The following NCSTN variants were observed in gnomAD, a reference collection of about 807,000 sequenced individuals.
NCSTN encodes nicastrin.
NCSTN carries 22 observed loss-of-function variants against 87.0 expected under a neutral mutation model. The observed-to-expected ratio is 0.25, with a 90% CI of 0.18 to 0.36. The LOEUF (loss-of-function observed/expected upper bound fraction) is 0.36. Ranked by LOEUF, NCSTN falls within the 10% of genes least tolerant of loss-of-function variation. NCSTN has a pLI of 1.00. For synonymous variants in NCSTN, 306 were observed against 327.1 expected (o/e 0.94, Z 0.69); for missense variants, 693 against 883.3 (o/e 0.78, Z 2.73).
In NCSTN at chr1:160,343,487, G is replaced by A. The variant is rs1648228099; in HGVS notation, c.85+6G>A. 2.5e-6 allele frequency: 4 copies of A among 1,602,994 alleles called. No homozygotes were observed. Among genetic ancestry groups the A allele is most frequent in the African/African-American group, 1.3e-5 (1 of 74,982 alleles). The stretch of plus-strand genomic sequence containing the variant: ...TTTCTGCGTCCTACTAGCAGGTGAG[G>A]CCTCCCCGCCCGTGAGCTCCGTTCT... On this transcript the variant is annotated splice_donor_region_variant and intron_variant, in intron 1 of 16. Transcript: ENST00000294785.
chr1:160,351,257 A>G lies in NCSTN; in HGVS notation c.618A>G (p.Ser206=), dbSNP rs759827849. ...YQDHNLSQNG[S]APTFPLCAMQ... ...ATCACAACCTGAGTCAGAATGGCTC[A>G]GCACCAACCTTCCCACTATGTGCCA... Residue 206 remains serine (S), a synonymous_variant, in exon 6 of 17, where the codon TCA becomes TCG. Coordinates refer to ENST00000294785, the MANE Select transcript of NCSTN (RefSeq NM_015331.3). 1 of 1,614,214 alleles carries G rather than the reference A, an allele frequency of 6.2e-7. No homozygotes were observed. Among genetic ancestry groups the G allele is most frequent in the Non-Finnish European group, 8.5e-7 (1 of 1,180,022 alleles).
At chr1:160,351,998 G>C (rs1223560259) in intron 7 of NCSTN, 56 bp from the exon 8 acceptor site, 85 of 1,597,150 alleles carry the variant, frequency 5.3e-5, no homozygotes. Flanking sequence ...CAAGAAAGGA[G>C]GTTTGGGGCC....
rs769128229 is a variant in NCSTN at position 160,354,169 on chromosome 1, G to A, written c.1231G>A (p.Val411Ile). The change falls in exon 11 of 17, where the codon GTC (valine) becomes ATC (isoleucine). Residue 411 changes from valine to isoleucine, a missense_variant. Val to Ile is a conservative substitution (Grantham distance 29). Coordinates refer to ENST00000294785, the MANE Select transcript of NCSTN (RefSeq NM_015331.3). ...GAAGAGTGGTGCTGGTGTCCCTGCT[G>A]TCATCCTCAGGAGGCCAAATCAGTC... Reference protein sequence around the residue: ...LEKSGAGVPAVILRRPNQSQP... With the variant: ...LEKSGAGVPAIILRRPNQSQP... 3.1e-6 allele frequency: 5 copies of A among 1,614,150 alleles called. No individual in the cohort carries two copies. In the South Asian group the frequency reaches 5.5e-5, roughly 18 times the overall value.
At chr1:160,343,786 A>G (rs1396050590) in intron 1 of NCSTN, 1 of 631,326 alleles carries the variant, frequency 1.6e-6, no homozygotes, top group Admixed American at 2.1e-5. Context: ...CACCCACCCC[A>G]CAGTCGAAAG....
At chr1:160,352,827 C>G (rs932623127) in intron 8 of NCSTN, 60 bp from the exon 9 acceptor site, 1 of 1,367,566 alleles carries the variant, frequency 7.3e-7, no homozygotes, top group East Asian at 2.3e-5. Context: ...TGGCCGCCTT[C>G]GAGGCTCTCC....
intron 11 of NCSTN, 107 bp downstream of exon 11, chr1:160,354,397 A>C: frequency 8.3e-7 from 1 of 1,206,796 alleles, no homozygotes; most frequent in Middle Eastern, 1.9e-4. Flanking sequence ...CCCCTCCAGA[A>C]CTTCAGGTCC....
At chr1:160,350,453 CAAAAA>C (rs5778159) in intron 5 of NCSTN, among the ~76,000 whole-genome samples, 5 of 98,202 alleles carry the variant, frequency 5.1e-5, no homozygotes, top group African/African-American at 7.4e-5. Flanking sequence ...CCCTGTGTCA[CAAAAA>C]AAAAAAAAAA....
At chr1:160,349,261 A>C (rs1648698693) in intron 3 of NCSTN, 139 bp downstream of exon 3, 1 of 1,239,916 alleles carries the variant, frequency 8.1e-7, no homozygotes, top group Non-Finnish European at 1.2e-6. Flanking sequence ...CTCAGAAGGA[A>C]AGGTGTACCA....
chr1:160,351,476 C>A, intron 6 of NCSTN, 104 bp downstream of exon 6: 2 of 1,419,382 alleles, frequency 1.4e-6, no homozygotes, highest in Non-Finnish European at 2.0e-6. Context: ...GGAGTAGACA[C>A]CATGAAGGAG....
At position 160,345,116 on chromosome 1, in the gene NCSTN, G is replaced by T. The variant is rs573347908; in HGVS notation, c.190+290G>T. The stretch of plus-strand genomic sequence containing the variant: ...ATAAATGATGAAACTAAAACTTAAA[G>T]AAGTTGAGTAACTTTCCCAAGATCA... On this transcript the variant is annotated intron_variant, in intron 2 of 16. Coordinates refer to ENST00000294785, the MANE Select transcript of NCSTN (RefSeq NM_015331.3). The T allele has an allele frequency of 5.0e-5, 24 of 483,080 alleles. No homozygotes were observed. In the South Asian group the frequency reaches 5.1e-4, roughly 10 times the overall value. 29.9% of individuals were successfully genotyped at this position (483,080 alleles called of 1,614,324 possible).
chr1:160,350,152 A>G lies in NCSTN; in HGVS notation c.484A>G (p.Ile162Val), dbSNP rs751730478. The G allele has an allele frequency of 1.2e-6, 2 of 1,614,064 alleles. No homozygotes were observed. Among genetic ancestry groups the G allele is most frequent in the Admixed American group, 1.7e-5 (1 of 60,032 alleles). Residue 162 changes from isoleucine (I) to valine (V), a missense_variant, in exon 5 of 17, where the codon ATA becomes GTA. By Grantham distance (29) the Ile-to-Val change is conservative (BLOSUM62 3). Around this residue, in one of 4 missense-constraint regions of NCSTN, gnomAD observed 235 missense variants for 233.9 expected, o/e 1.00. Transcript: ENST00000294785. ...GCCAGAGTTTGCTCACTGCAGAGAA[A>G]TACAGTGGAATTCGCTGGGCAATGG... ...YGPEFAHCRE[I>V]QWNSLGNGLA...
intron 8 of NCSTN, 120 bp from the exon 9 acceptor site, chr1:160,352,767 A>G (rs1571207103): frequency 2.6e-6 from 2 of 774,988 alleles, no homozygotes; most frequent in East Asian, 5.3e-5. Flanking sequence ...TAAGCTGACT[A>G]GCAGTTGAGG....
At chr1:160,353,110 C>T in intron 9 of NCSTN, 50 bp from the exon 10 acceptor site, 1 of 1,600,498 alleles carries the variant, frequency 6.2e-7, no homozygotes, top group South Asian at 1.1e-5. Flanking sequence ...CTAGGCATGG[C>T]CCAGAACAGG....
intron 10 of NCSTN, 149 bp from the exon 11 acceptor site, chr1:160,353,969 C>G (rs184582406): frequency 1.1e-6 from 1 of 915,296 alleles, no homozygotes; most frequent in Admixed American, 2.6e-5. Flanking sequence ...GAGCCTTGGT[C>G]CCAAAAGGCT....
At position 160,350,261 on chromosome 1, in the gene NCSTN, T is replaced by C. The variant is rs1438901067; in HGVS notation, c.582+11T>C. ...AAAGTCATCAAGCAGGTAATGACAC[T>C]GCCAGCTCCTAGCAATTCCAGTTAG... On this transcript the variant is annotated intron_variant, in intron 5 of 16. Coordinates refer to ENST00000294785, the MANE Select transcript of NCSTN (RefSeq NM_015331.3). The C allele has an allele frequency of 1.5e-5, 24 of 1,613,598 alleles. No individual in the cohort carries two copies. The highest frequency in any genetic ancestry group is 1.9e-5 in the Non-Finnish European group (23 of 1,179,584).
At position 160,348,798 on chromosome 1, in the gene NCSTN, G is replaced by A. The variant is rs189971605; in HGVS notation, c.191-201G>A. Among the ~76,000 whole-genome samples, 9 of 152,324 alleles carry A rather than the reference G, an allele frequency of 5.9e-5. No individual in the cohort carries two copies. The East Asian group carries it at 1.5e-3, about 26-fold the overall frequency. On this transcript the variant is annotated intron_variant, in intron 2 of 16. Coordinates refer to ENST00000294785, the MANE Select transcript of NCSTN (RefSeq NM_015331.3). ...TTTCTGGCATATAATGAGTCCTCTT[G>A]TGCTCTTTTATATTCCATTCCCTCC...
chr1:160,358,687 T>C lies in NCSTN; in HGVS notation c.*416T>C, dbSNP rs200737828. 9.9e-6 allele frequency: 3 copies of C among 302,570 alleles called. No individual in the cohort carries two copies. The highest frequency in any genetic ancestry group is 1.9e-5 in the Non-Finnish European group (3 of 155,060). The allele number at this position is 302,570 out of a possible 1,614,324, so 18.7% of individuals were successfully genotyped here. ...ACTGGGAAGGACATAAAAGGTTTAA[T>C]GTCAGGGTCAAACTACATTGAGCCC... On this transcript the variant is annotated 3_prime_UTR_variant, in exon 17 of 17. Coordinates refer to ENST00000294785, the MANE Select transcript of NCSTN (RefSeq NM_015331.3).
rs2101909348 is a variant in NCSTN at position 160,356,279 on chromosome 1, G to A, written c.1571G>A (p.Gly524Glu). 1 of 1,613,422 alleles carries A rather than the reference G, an allele frequency of 6.2e-7. No homozygotes were observed. The highest frequency in any genetic ancestry group is 8.5e-7 in the Non-Finnish European group (1 of 1,179,366). ...TCCTAGGTTACCCGCCTGCTCTATG[G>A]GTTCCTGATTAAAGCCAACAACTCA... ...DPQTVTRLLY[G>E]FLIKANNSWF... is the part of the protein sequence containing the mutation. Residue 524 changes from glycine to glutamate, a missense_variant, in exon 14 of 17, where the codon GGG becomes GAG. Transcript: ENST00000294785.
chr1:160,343,407 CA>C lies in NCSTN; in HGVS notation c.12del (p.Gly6ValfsTer22). Reference protein sequence around the residue: MATAGGGSGADPGS... With the variant: MATXGGGSGADPGS... Reference sequence around the variant, plus strand: ...CAGCAGAGAGGCAAGATGGCTACGGCAGGGGGTGGCTCTGGGGCTGACCCGG... The same window carrying C: ...CAGCAGAGAGGCAAGATGGCTACGGCGGGGGTGGCTCTGGGGCTGACCCGG... On this transcript the variant is annotated frameshift_variant, in exon 1 of 17. Coordinates refer to ENST00000294785, the MANE Select transcript of NCSTN (RefSeq NM_015331.3). LOFTEE classifies it high-confidence loss of function. The C allele has an allele frequency of 6.2e-7, 1 of 1,612,966 alleles. No homozygotes were observed. The highest frequency in any genetic ancestry group is 8.5e-7 in the Non-Finnish European group (1 of 1,179,712).
Sources: gnomAD v4.1 joint callset for allele counts (sites outside exome capture counted in the v4.1 genomes callset) on GRCh38, gnomAD v4.1.1 for gene constraint, gnomAD v4.1.1 regional missense constraint, MANE v1.5 for transcripts, NCBI Gene and HGNC (gene_info 2026-07-23, HGNC 2026-07-21) for gene names.